CCSER1: variants seen among roughly 807,000 people sequenced by gnomAD.
CCSER1 encodes the protein serine-rich coiled-coil domain-containing protein 1.
A neutral mutation model predicts 82.0 loss-of-function variants in CCSER1; 41 were observed. The ratio of observed to expected loss-of-function variants is 0.50; its 90% CI spans 0.39 to 0.65. The LOEUF (loss-of-function observed/expected upper bound fraction) is 0.65. Among genes scored for constraint, CCSER1 ranks in the 30% least tolerant of loss-of-function variants. The probability of loss-of-function intolerance (pLI) is 0.00; values close to 1 mark genes in which losing one functional copy is unlikely to be tolerated. For missense variants in CCSER1, 1,119 were observed against 1,064.2 expected, an observed-to-expected ratio of 1.05 and a Z score of -0.72; for synonymous variants, 414 against 383.9, an observed-to-expected ratio of 1.08 and a Z score of -0.92.
At chr4:91,401,109 G>A (rs1468871711) in intron 10 of CCSER1, among the ~76,000 whole-genome samples, 1 of 151,740 alleles carries the variant, frequency 6.6e-6, no homozygotes, top group African/African-American at 2.4e-5. Flanking sequence ...TCCAGATATT[G>A]TGCTGTTTTA....
At chr4:91,311,637 A>G (rs1400581491) in intron 10 of CCSER1, among the ~76,000 whole-genome samples, 2 of 151,826 alleles carry the variant, frequency 1.3e-5, no homozygotes, top group Non-Finnish European at 2.9e-5. Flanking sequence ...TATTTCTAGT[A>G]ATTTTTTTAA....
At position 90,821,837 on chromosome 4, in the gene CCSER1, AT is replaced by A. The variant is rs141755651; in HGVS notation, c.2094+5993del. Among the ~76,000 whole-genome samples, 942 of 152,244 alleles carry A rather than the reference AT, an allele frequency of 6.2e-3. 13 individuals are homozygous for A. The highest frequency in any genetic ancestry group is 0.021 in the African/African-American group (888 of 41,552). On this transcript the variant is annotated intron_variant, in intron 8 of 10. Transcript: ENST00000509176. Reference sequence around the variant, plus strand: ...GCCATGTAATTTTATTGCTTATATGATACTGAAGGGCACTGTAAATATTATC... The same window carrying A: ...GCCATGTAATTTTATTGCTTATATGAACTGAAGGGCACTGTAAATATTATC...
intron 10 of CCSER1, among the ~76,000 whole-genome samples, chr4:91,243,369 G>A (rs1739519912): frequency 6.6e-6 from 1 of 152,164 alleles, no homozygotes; most frequent in African/African-American, 2.4e-5. Context: ...AACTTGTAGT[G>A]CTAGTCTGGG....
At chr4:90,433,979 A>G (rs1758671029) in intron 4 of CCSER1, among the ~76,000 whole-genome samples, 1 of 151,926 alleles carries the variant, frequency 6.6e-6, no homozygotes, top group African/African-American at 2.4e-5. Flanking sequence ...TAGGATTGTT[A>G]TCATCTTTAA....
chr4:91,166,523 CT>C (rs1466631745), intron 10 of CCSER1, among the ~76,000 whole-genome samples: 1 of 152,154 alleles, frequency 6.6e-6, no homozygotes, highest in Non-Finnish European at 1.5e-5. Context: ...TAAGCATCTA[CT>C]TTTTAAAATG....
In CCSER1 at chr4:91,600,695, A is replaced by G. The variant is rs1764786611; in HGVS notation, c.*1638A>G. 6.6e-6 allele frequency: 1 copy of G among 152,186 alleles called. No individual in the cohort carries two copies. Among genetic ancestry groups the G allele is most frequent in the Non-Finnish European group, 1.5e-5 (1 of 68,022 alleles). The allele number at this position is 152,186 out of a possible 1,614,324, so 9.4% of individuals were successfully genotyped here. A position where few individuals can be genotyped will look rare whatever the true frequency, so the allele number is the denominator to read the frequency against. ...ACTACTGAACTTTGATACATTTGCA[A>G]ACTTAGATTGGAACTGATAAAGTAA... On this transcript the variant is annotated 3_prime_UTR_variant, in exon 11 of 11. Coordinates refer to ENST00000509176, the MANE Select transcript of CCSER1 (RefSeq NM_001145065.2).
At chr4:91,523,237 G>A (rs557536235) in intron 10 of CCSER1, among the ~76,000 whole-genome samples, 1 of 152,300 alleles carries the variant, frequency 6.6e-6, no homozygotes, top group East Asian at 1.9e-4. Flanking sequence ...CTTGATCATG[G>A]TGGATAAGCT....
At chr4:91,067,336 CTT>C (rs1188236092) in intron 9 of CCSER1, among the ~76,000 whole-genome samples, 2 of 143,314 alleles carry the variant, frequency 1.4e-5, no homozygotes, top group Non-Finnish European at 3.1e-5. Context: ...TTGTCTCATC[CTT>C]TTTTTTTTTT....
chr4:90,525,889 C>T (rs1438756325), intron 5 of CCSER1, among the ~76,000 whole-genome samples: 1 of 152,116 alleles, frequency 6.6e-6, no homozygotes, highest in Non-Finnish European at 1.5e-5. Context: ...ATCCTCCCGC[C>T]TCAGCCTTCA....
chr4:90,943,720 G>A (rs1035907971), intron 9 of CCSER1, among the ~76,000 whole-genome samples: 1 of 109,350 alleles, frequency 9.1e-6, no homozygotes, highest in Non-Finnish European at 2.1e-5. Flanking sequence ...GAGCCACTGT[G>A]CCAGGCTAAT....
chr4:90,852,632 C>G (rs1191424425), intron 8 of CCSER1, among the ~76,000 whole-genome samples: 1 of 152,166 alleles, frequency 6.6e-6, no homozygotes, highest in Non-Finnish European at 1.5e-5. Context: ...ACTGACAAAG[C>G]TTAACATCAT....
At chr4:90,526,862 T>C (rs984885108) in intron 5 of CCSER1, among the ~76,000 whole-genome samples, 2 of 152,178 alleles carry the variant, frequency 1.3e-5, no homozygotes, top group African/African-American at 4.8e-5. Flanking sequence ...AGGAGAATGA[T>C]TTATAGTCCT....
chr4:91,556,112 T>A (rs1762385861), intron 10 of CCSER1, among the ~76,000 whole-genome samples: 1 of 151,288 alleles, frequency 6.6e-6, no homozygotes, highest in South Asian at 2.1e-4. Context: ...GAGGAAAATG[T>A]TGTATTTGTA....
At chr4:90,217,158 A>G (rs1174319895) in intron 1 of CCSER1, among the ~76,000 whole-genome samples, 1 of 152,248 alleles carries the variant, frequency 6.6e-6, no homozygotes, top group South Asian at 2.1e-4. Flanking sequence ...GAAGTCATTT[A>G]TCAGCTCCAG....
chr4:90,922,487 G>T lies in CCSER1; in HGVS notation c.2095-883G>T, dbSNP rs375521597. Among the ~76,000 whole-genome samples, 5 of 152,138 alleles carry T rather than the reference G, an allele frequency of 3.3e-5. No homozygotes were observed. In the East Asian group the frequency reaches 7.7e-4, roughly 23 times the overall value. On this transcript the variant is annotated intron_variant, in intron 8 of 10. Transcript: ENST00000509176. ...ATCTTATTAACCATTCAAAAGAAAA[G>T]AAAATGATAGACATTCTGCTTTAAA...
intron 5 of CCSER1, among the ~76,000 whole-genome samples, chr4:90,615,110 T>C (rs1333688680): frequency 6.6e-6 from 1 of 152,124 alleles, no homozygotes; most frequent in Non-Finnish European, 1.5e-5. Context: ...CATGGAACAC[T>C]GAATATTTTA....
At chr4:90,900,932 G>T (rs943396268) in intron 8 of CCSER1, among the ~76,000 whole-genome samples, 1 of 151,756 alleles carries the variant, frequency 6.6e-6, no homozygotes, top group Non-Finnish European at 1.5e-5. Context: ...CTATCTCTTG[G>T]TCTAGTAGTA....
chr4:91,247,609 C>G lies in CCSER1; in HGVS notation c.2217+161615C>G, dbSNP rs184648900. ...CAGGGCCGGGCATGGTGGCTCATGC[C>G]TGTAATCCCGGCACTTTGGGAGGTT... On this transcript the variant is annotated intron_variant, in intron 10 of 10. Coordinates refer to ENST00000509176, the MANE Select transcript of CCSER1 (RefSeq NM_001145065.2). 2.4e-3 allele frequency among the ~76,000 whole-genome samples: 358 copies of G among 152,294 alleles called. 1 individual carries two copies. Among genetic ancestry groups the G allele is most frequent in the Non-Finnish European group, 4.0e-3 (269 of 68,028 alleles).
intron 7 of CCSER1, among the ~76,000 whole-genome samples, chr4:90,810,839 T>TTTTTG (rs1758178980): frequency 7.1e-6 from 1 of 141,298 alleles, no homozygotes; most frequent in African/African-American, 2.7e-5. Flanking sequence ...ATTCTTTTTT[T>TTTTTG]TTTTTTTTTT....
Sources: allele counts gnomAD v4.1 joint callset (sites outside exome capture counted in the v4.1 genomes callset), GRCh38; gene constraint gnomAD v4.1.1; transcripts MANE v1.5; gene names NCBI Gene and HGNC (gene_info 2026-07-23, HGNC 2026-07-21).